ZFAND3: variants seen among roughly 807,000 people sequenced by gnomAD.
The protein encoded by ZFAND3 is zinc finger AN1-type containing 3, also known as AN1-type zinc finger protein 3.
A neutral mutation model predicts 29.6 loss-of-function variants in ZFAND3; 10 were observed. The ratio of observed to expected loss-of-function variants is 0.34; its 90% CI spans 0.21 to 0.57. The LOEUF is 0.57. Among genes scored for constraint, ZFAND3 ranks in the 20% least tolerant of loss-of-function variants. The pLI, the probability that ZFAND3 is intolerant of heterozygous loss-of-function variation, is 0.86. For missense variants in ZFAND3, 230 were observed against 304.5 expected, an observed-to-expected ratio of 0.76 and a Z score of 1.82; for synonymous variants, 128 against 112.6, an observed-to-expected ratio of 1.14 and a Z score of -0.87.
chr6:38,137,069 A>G (rs1765855613), intron 5 of ZFAND3, among the ~76,000 whole-genome samples: 1 of 152,238 alleles, frequency 6.6e-6, no homozygotes, highest in Admixed American at 6.5e-5. Context: ...GTTACATTCA[A>G]TTCTGTGTTG....
At chr6:37,891,912 A>G (rs1765112316) in intron 1 of ZFAND3, among the ~76,000 whole-genome samples, 1 of 152,054 alleles carries the variant, frequency 6.6e-6, no homozygotes, top group South Asian at 2.1e-4. Context: ...GTATTTTAGT[A>G]GAGATGGGGT....
At position 38,020,073 on chromosome 6, in the gene ZFAND3, G is replaced by A. The variant is rs186001483; in HGVS notation, c.113-41520G>A. On this transcript the variant is annotated intron_variant, in intron 2 of 5. Coordinates refer to ENST00000287218, the MANE Select transcript of ZFAND3 (RefSeq NM_021943.3). ...TGCCTTTGCTGTTTAACTGCAGGAT[G>A]GGCCTGCATGGCATAGACTGTAGAT... is the stretch of plus-strand genomic sequence containing the variant. Among the ~76,000 whole-genome samples the A allele has an allele frequency of 1.5e-4, 23 of 152,272 alleles. No individual in the cohort carries two copies. The East Asian group carries it at 4.4e-3, about 29-fold the overall frequency.
rs57458792 is a variant in ZFAND3, at chr6:37,984,933, A to G, written c.112+54934A>G. ...TTCATGGGGCTACTGCAGCAGTTAT[A>G]CTTTTTTCAGCAGTCTCAAAAAGTT... On this transcript the variant is annotated intron_variant, in intron 2 of 5. Transcript: ENST00000287218. Among the ~76,000 whole-genome samples the G allele has an allele frequency of 0.017, 2,576 of 152,322 alleles. 250 individuals are homozygous for G. In the East Asian group the frequency reaches 0.28, roughly 16 times the overall value.
intron 2 of ZFAND3, among the ~76,000 whole-genome samples, chr6:38,039,465 C>A (rs2842502): frequency 0.95 from 144,961 of 152,264 alleles, 69,334 homozygotes; most frequent in East Asian, 1. Flanking sequence ...TAATTTTCCC[C>A]AGGATTTGCC....
intron 4 of ZFAND3, among the ~76,000 whole-genome samples, chr6:38,094,296 A>C (rs1306942038): frequency 1.3e-5 from 2 of 152,140 alleles, no homozygotes; most frequent in Non-Finnish European, 2.9e-5. Flanking sequence ...GGCCAAAGTA[A>C]CACTTTCCAT....
intron 1 of ZFAND3, among the ~76,000 whole-genome samples, chr6:37,855,708 T>TA (rs1764369614): frequency 1.3e-5 from 2 of 152,176 alleles, no homozygotes; most frequent in South Asian, 4.1e-4. Context: ...TGCATTGATT[T>TA]AACCATTGTG....
At position 38,072,466 on chromosome 6, in the gene ZFAND3, G is replaced by C. The variant is rs1001600634; in HGVS notation, c.296-9926G>C. 7.2e-5 allele frequency among the ~76,000 whole-genome samples: 11 copies of C among 152,052 alleles called. 1 individual carries two copies. Among genetic ancestry groups the C allele is most frequent in the Admixed American group, 3.3e-4 (5 of 15,274 alleles). On this transcript the variant is annotated intron_variant, in intron 3 of 5. Coordinates refer to ENST00000287218, the MANE Select transcript of ZFAND3 (RefSeq NM_021943.3). ...CCAATATGGATTTCTTTAAATGTTC[G>C]TATTAAATTAAATGCTCTGTCCTTC...
At chr6:38,100,100 A>T (rs1212953696) in intron 4 of ZFAND3, among the ~76,000 whole-genome samples, 1 of 151,330 alleles carries the variant, frequency 6.6e-6, no homozygotes, top group African/African-American at 2.4e-5. Flanking sequence ...CTCTGTCGCC[A>T]GTCACCAGGC....
intron 2 of ZFAND3, among the ~76,000 whole-genome samples, chr6:38,001,966 T>A (rs542407069): frequency 6.6e-6 from 1 of 152,336 alleles, no homozygotes; most frequent in African/African-American, 2.4e-5. Context: ...TTTAGCATCC[T>A]TGATCAAATT....
chr6:37,867,786 T>C (rs556281812), intron 1 of ZFAND3, among the ~76,000 whole-genome samples: 17 of 152,244 alleles, frequency 1.1e-4, no homozygotes, highest in Non-Finnish European at 2.2e-4. Flanking sequence ...TAGGAGGGAC[T>C]AATTGTCCAT....
chr6:37,907,797 A>G (rs1765436503), intron 1 of ZFAND3, among the ~76,000 whole-genome samples: 1 of 152,218 alleles, frequency 6.6e-6, no homozygotes, highest in Non-Finnish European at 1.5e-5. Flanking sequence ...CTCTTCACCT[A>G]GATTGACTAT....
intron 4 of ZFAND3, among the ~76,000 whole-genome samples, chr6:38,110,094 A>T (rs1765284477): frequency 6.6e-6 from 1 of 152,204 alleles, no homozygotes; most frequent in Non-Finnish European, 1.5e-5. Flanking sequence ...ATGATCTAGG[A>T]CATGGCATCC....
chr6:38,033,831 A>T (rs760886191), intron 2 of ZFAND3, among the ~76,000 whole-genome samples: 1 of 152,182 alleles, frequency 6.6e-6, no homozygotes, highest in Non-Finnish European at 1.5e-5. Context: ...GGGTATCTCT[A>T]TGACAACTCT....
At chr6:37,974,734 A>AT (rs1370372431) in intron 2 of ZFAND3, among the ~76,000 whole-genome samples, 2 of 152,106 alleles carry the variant, frequency 1.3e-5, no homozygotes, top group African/African-American at 4.8e-5. Context: ...TTCACTCAGC[A>AT]TATTTTGAGA....
At chr6:37,971,696 A>G (rs1415630449) in intron 2 of ZFAND3, among the ~76,000 whole-genome samples, 1 of 152,064 alleles carries the variant, frequency 6.6e-6, no homozygotes. Context: ...CTTATTAGCT[A>G]GTTGTTTCCC....
chr6:38,113,214 G>A (rs1443480886), intron 4 of ZFAND3, among the ~76,000 whole-genome samples: 2 of 152,176 alleles, frequency 1.3e-5, no homozygotes, highest in Non-Finnish European at 2.9e-5. Context: ...GAATCATCTA[G>A]CATTGCTTCC....
chr6:37,992,429 A>T (rs1190225296), intron 2 of ZFAND3, among the ~76,000 whole-genome samples: 1 of 152,210 alleles, frequency 6.6e-6, no homozygotes, highest in Non-Finnish European at 1.5e-5. Flanking sequence ...GGAAAGTTAA[A>T]ACACTAGAAC....
intron 1 of ZFAND3, among the ~76,000 whole-genome samples, chr6:37,867,370 C>G (rs1764608527): frequency 1.3e-5 from 2 of 152,198 alleles, no homozygotes; most frequent in African/African-American, 4.8e-5. Context: ...ACTCTGGTTT[C>G]TCTGTTAAGG....
chr6:38,076,487 A>G (rs1764556084), intron 3 of ZFAND3, among the ~76,000 whole-genome samples: 1 of 152,190 alleles, frequency 6.6e-6, no homozygotes, highest in Admixed American at 6.5e-5. Context: ...TTAGCAAAAT[A>G]GATAAGCTAC....
Sources: gnomAD v4.1 joint callset for allele counts (sites outside exome capture counted in the v4.1 genomes callset) on GRCh38, gnomAD v4.1.1 for gene constraint, MANE v1.5 for transcripts, NCBI Gene and HGNC (gene_info 2026-07-23, HGNC 2026-07-21) for gene names.